PRKG1: variants seen among roughly 807,000 people sequenced by gnomAD.
PRKG1 encodes cGMP-dependent protein kinase 1.
PRKG1 carries 35 observed loss-of-function variants against 88.1 expected under a neutral mutation model. The observed-to-expected ratio is 0.40, with a 90% CI of 0.30 to 0.53. PRKG1 has a LOEUF of 0.53. PRKG1 is among the 20% of genes least tolerant of loss of function. The probability of loss-of-function intolerance (pLI) is 0.59; values close to 1 mark genes in which losing one functional copy is unlikely to be tolerated. For missense variants in PRKG1, 540 were observed against 839.8 expected (o/e 0.64, Z 4.41); for synonymous variants, 303 against 292.5 (o/e 1.04, Z -0.37).
chr10:51,253,157 G>A (rs1839469778), intron 2 of PRKG1, among the ~76,000 whole-genome samples: 1 of 151,814 alleles, frequency 6.6e-6, no homozygotes, highest in Non-Finnish European at 1.5e-5. Context: ...AATCATGAAA[G>A]TATTCTCATT....
chr10:51,652,186 T>C (rs985901689), intron 3 of PRKG1, among the ~76,000 whole-genome samples: 1 of 152,124 alleles, frequency 6.6e-6, no homozygotes, highest in Non-Finnish European at 1.5e-5. Flanking sequence ...AAAACTATTA[T>C]ATATATTATA....
chr10:52,114,386 A>C (rs1395799542), intron 7 of PRKG1, among the ~76,000 whole-genome samples: 1 of 152,048 alleles, frequency 6.6e-6, no homozygotes, highest in African/African-American at 2.4e-5. Flanking sequence ...GTCAAGAGAC[A>C]GATAGTAGGT....
intron 5 of PRKG1, among the ~76,000 whole-genome samples, chr10:52,013,909 G>A (rs1052953600): frequency 5.9e-5 from 9 of 152,050 alleles, no homozygotes; most frequent in African/African-American, 1.9e-4. Context: ...TTGATTTTGT[G>A]CACTCTATCT....
At chr10:51,239,340 G>A (rs1455573163) in intron 2 of PRKG1, among the ~76,000 whole-genome samples, 1 of 152,192 alleles carries the variant, frequency 6.6e-6, no homozygotes, top group Non-Finnish European at 1.5e-5. Context: ...ACTAGCAGGA[G>A]AAGAATTTTA....
At chr10:51,393,067 C>T (rs1462123438) in intron 2 of PRKG1, among the ~76,000 whole-genome samples, 32 of 55,972 alleles carry the variant, frequency 5.7e-4, no homozygotes, top group African/African-American at 1.8e-3. Flanking sequence ...TCAGGCGGGG[C>T]GGCTGCCGGG....
At position 51,646,745 on chromosome 10, in the gene PRKG1, T is replaced by G. The variant is rs531043010; in HGVS notation, c.593-157840T>G. Among the ~76,000 whole-genome samples the G allele has an allele frequency of 2.2e-3, 337 of 151,890 alleles. 4 individuals carry two copies. Among genetic ancestry groups the G allele is most frequent in the Non-Finnish European group, 3.1e-3 (211 of 67,830 alleles). On this transcript the variant is annotated intron_variant, in intron 3 of 17. Transcript: ENST00000373980. ...TTTTTAACTAAAAACAGTATAAATT[T>G]AAAAATAAATAATGTAATATATTTA...
chr10:51,539,925 A>G (rs1358520157), intron 3 of PRKG1, among the ~76,000 whole-genome samples: 1 of 152,170 alleles, frequency 6.6e-6, no homozygotes, highest in Non-Finnish European at 1.5e-5. Flanking sequence ...ATATTTTGTT[A>G]TTTCTAACAA....
intron 2 of PRKG1, among the ~76,000 whole-genome samples, chr10:51,276,471 T>TATA (rs1286783817): frequency 2.6e-5 from 4 of 152,208 alleles, no homozygotes; most frequent in Admixed American, 2.6e-4. Flanking sequence ...ATCCTTTGGG[T>TATA]ATATACCCAG....
chr10:52,093,295 A>T (rs190942576), intron 7 of PRKG1, among the ~76,000 whole-genome samples: 110 of 152,218 alleles, frequency 7.2e-4, no homozygotes, highest in Non-Finnish European at 1.1e-3. Context: ...AAATCTTTTT[A>T]AAAAGAAGTG....
intron 1 of PRKG1, among the ~76,000 whole-genome samples, chr10:50,999,347 T>A (rs1042488503): frequency 2.0e-5 from 3 of 152,212 alleles, no homozygotes; most frequent in African/African-American, 7.2e-5. Flanking sequence ...TGAGTGTTTA[T>A]TTATTAAGGC....
intron 9 of PRKG1, among the ~76,000 whole-genome samples, chr10:52,215,464 T>C (rs1840087863): frequency 6.6e-6 from 1 of 151,678 alleles, no homozygotes; most frequent in South Asian, 2.1e-4. Context: ...AAGCGAGATA[T>C]ACAGGCATTT....
chr10:51,479,960 G>A (rs771949953), intron 3 of PRKG1, among the ~76,000 whole-genome samples: 1 of 151,402 alleles, frequency 6.6e-6, no homozygotes, highest in Non-Finnish European at 1.5e-5. Flanking sequence ...AAAATTTATG[G>A]AATAATTATG....
At chr10:52,102,354 G>A (rs1847314314) in intron 7 of PRKG1, among the ~76,000 whole-genome samples, 1 of 152,070 alleles carries the variant, frequency 6.6e-6, no homozygotes, top group Non-Finnish European at 1.5e-5. Context: ...ACAACCATAT[G>A]CTGTGGAAAG....
intron 5 of PRKG1, among the ~76,000 whole-genome samples, chr10:52,018,196 T>G (rs1251615824): frequency 6.6e-6 from 1 of 152,218 alleles, no homozygotes; most frequent in Non-Finnish European, 1.5e-5. Flanking sequence ...AAATGTGGTG[T>G]TGAGCCAAAT....
At chr10:51,136,135 A>T (rs1215146353) in intron 1 of PRKG1, among the ~76,000 whole-genome samples, 1 of 152,128 alleles carries the variant, frequency 6.6e-6, no homozygotes, top group African/African-American at 2.4e-5. Flanking sequence ...AAATAAAAAA[A>T]ATGATCAGTG....
chr10:52,232,495 A>G (rs1465932221), intron 9 of PRKG1, among the ~76,000 whole-genome samples: 3 of 152,166 alleles, frequency 2.0e-5, no homozygotes, highest in African/African-American at 7.2e-5. Context: ...AGTATATGCT[A>G]TTGAATAATT....
chr10:52,028,706 G>T (rs898774097), intron 5 of PRKG1, among the ~76,000 whole-genome samples: 2 of 152,034 alleles, frequency 1.3e-5, no homozygotes, highest in African/African-American at 4.8e-5. Flanking sequence ...GAACCTACTT[G>T]GAATTGGTTT....
rs1383871471 is a variant in PRKG1, at chr10:52,175,171, T to C, written c.1076+13208T>C. On this transcript the variant is annotated intron_variant, in intron 9 of 17. Transcript: ENST00000373980. ...TTTTTCCAGCTCCTAGTTTCCTTTG[T>C]TTGACTTTTTAATTCTATGTGATCA... Among the ~76,000 whole-genome samples, 6 of 152,096 alleles carry C rather than the reference T, an allele frequency of 3.9e-5. No individual in the cohort carries two copies. The East Asian group carries it at 1.2e-3, about 29-fold the overall frequency.
At chr10:51,197,754 T>C (rs1837807752) in intron 2 of PRKG1, among the ~76,000 whole-genome samples, 1 of 151,834 alleles carries the variant, frequency 6.6e-6, no homozygotes, top group Non-Finnish European at 1.5e-5. Flanking sequence ...GGTGTGTTTT[T>C]TTTCAGAGGA....
Sources: gnomAD v4.1 joint callset for allele counts (sites outside exome capture counted in the v4.1 genomes callset) on GRCh38, gnomAD v4.1.1 for gene constraint, MANE v1.5 for transcripts, NCBI Gene and HGNC (gene_info 2026-07-23, HGNC 2026-07-21) for gene names.